The following TAC4 variants were observed in gnomAD, a reference collection of about 807,000 sequenced individuals.
The protein encoded by TAC4 is tachykinin-4.
In TAC4, 17 loss-of-function variants were observed where a neutral mutation model predicts 17.7. The observed-to-expected ratio is 0.96, with a 90% CI of 0.66 to 1.44. The LOEUF is 1.44. Among genes scored for constraint, TAC4 ranks in the 40% most tolerant of loss-of-function variants. The pLI is 0.00. For missense variants in TAC4, 118 were observed against 125.6 expected, an observed-to-expected ratio of 0.94 and a Z score of 0.29; for synonymous variants, 62 against 52.4, an observed-to-expected ratio of 1.18 and a Z score of -0.79.
chr17:49,845,301 G>T (rs2074529733), intron 1 of TAC4, among the ~76,000 whole-genome samples: 2 of 152,228 alleles, frequency 1.3e-5, no homozygotes, highest in African/African-American at 4.8e-5. Flanking sequence ...AAGGACTGTG[G>T]ATTGACATTC....
At chr17:49,847,676 C>T (rs1377240518) in intron 1 of TAC4, 1 of 488,116 alleles carries the variant, frequency 2.0e-6, no homozygotes, top group South Asian at 2.1e-5. Context: ...TTCTTACACA[C>T]ACACACACAC....
chr17:49,847,127 C>T lies in TAC4; in HGVS notation c.105+786G>A, dbSNP rs528767390. 101 of 1,289,874 alleles carry T rather than the reference C, an allele frequency of 7.8e-5. No homozygotes were observed. The African/African-American group carries it at 1.1e-3, about 14-fold the overall frequency. The allele number at this position is 1,289,874 out of a possible 1,614,324, so 79.9% of individuals were successfully genotyped here. ...CGAGGACCTCATCGTGGCCCAGGAC[C>T]GCAAGCCAAGGCCACCCCAGTGTCC... is the stretch of plus-strand genomic sequence containing the variant. On this transcript the variant is annotated intron_variant, in intron 1 of 4. Coordinates refer to ENST00000436235, the MANE Select transcript of TAC4 (RefSeq NM_001077506.2).
intron 1 of TAC4, chr17:49,846,274 C>A (rs1439521732): frequency 4.2e-6 from 5 of 1,197,112 alleles, no homozygotes; most frequent in Non-Finnish European, 4.2e-6. Context: ...ATTCCTGTTA[C>A]CTCATTTTTT....
Position 49,838,553 on chromosome 17 carries a change from AAG to A in TAC4, c.*87_*88del. On this transcript the variant is annotated 3_prime_UTR_variant, in exon 5 of 5. Transcript: ENST00000436235. ...AGCGATGAGGACAGGAGACACAGAG[AAG>A]AGAGTTGGCCTGCCGGCTTGTCAGC... The A allele has an allele frequency of 6.6e-7, 1 of 1,522,330 alleles. No individual in the cohort carries two copies. Among genetic ancestry groups the A allele is most frequent in the African/African-American group, 1.4e-5 (1 of 73,046 alleles). 94.3% of individuals were successfully genotyped at this position (1,522,330 alleles called of 1,614,324 possible).
intron 3 of TAC4, among the ~76,000 whole-genome samples, chr17:49,840,148 C>G (rs1366915051): frequency 6.6e-6 from 1 of 152,238 alleles, no homozygotes; most frequent in Non-Finnish European, 1.5e-5. Context: ...CTCTGCTCTC[C>G]CTTCACAAAC....
intron 1 of TAC4, chr17:49,846,022 C>G: frequency 3.7e-6 from 1 of 267,032 alleles, no homozygotes; most frequent in South Asian, 3.4e-5. Flanking sequence ...AGGCAGCCTT[C>G]AGGTGCAAGC....
At chr17:49,845,384 C>T (rs944547727) in intron 1 of TAC4, among the ~76,000 whole-genome samples, 39 of 152,352 alleles carry the variant, frequency 2.6e-4, no homozygotes, top group African/African-American at 8.9e-4. Context: ...AACTTCTGAA[C>T]TGGGGCTTGC....
rs1292668095 is a variant in TAC4 at position 49,842,259 on chromosome 17, G to A, written c.200-675C>T. The stretch of plus-strand genomic sequence containing the variant: ...AAGAAGTTTGAAATGGGCCGGGCGC[G>A]TTGGCTCACACCTGTAATCCCAGCA... On this transcript the variant is annotated intron_variant, in intron 2 of 4. Transcript: ENST00000436235. Among the ~76,000 whole-genome samples the A allele has an allele frequency of 2.6e-5, 4 of 152,010 alleles. No homozygotes were observed. The East Asian group carries it at 7.8e-4, about 30-fold the overall frequency.
At chr17:49,838,782 C>T in intron 4 of TAC4, 109 bp from the exon 5 acceptor site, 10 of 1,101,214 alleles carry the variant, frequency 9.1e-6, no homozygotes, top group Non-Finnish European at 1.3e-5. Flanking sequence ...TTCCTAACCC[C>T]TCTCTCCTTT....
chr17:49,847,698 C>CAG (rs2074555207), intron 1 of TAC4: 4 of 419,040 alleles, frequency 9.5e-6, no homozygotes, highest in African/African-American at 2.3e-5. Context: ...CACAGACACA[C>CAG]ACACACACAC....
chr17:49,842,349 T>A (rs1352787223), intron 2 of TAC4, among the ~76,000 whole-genome samples: 1 of 151,300 alleles, frequency 6.6e-6, no homozygotes, highest in Non-Finnish European at 1.5e-5. Flanking sequence ...GCCAACATAG[T>A]GAAACCCCAT....
At chr17:49,839,725 C>T in intron 4 of TAC4, 125 bp downstream of exon 4, 1 of 856,766 alleles carries the variant, frequency 1.2e-6, no homozygotes, top group Non-Finnish European at 1.8e-6. Context: ...CCCTGGGGGC[C>T]TCCCCATGAT....
chr17:49,847,670 T>TACACACAC (rs1230844971), intron 1 of TAC4: 2 of 426,128 alleles, frequency 4.7e-6, no homozygotes, highest in African/African-American at 2.3e-5. Context: ...AAGTATTTCT[T>TACACACAC]ACACACACAC....
chr17:49,844,863 A>G (rs1389015086), intron 1 of TAC4, among the ~76,000 whole-genome samples: 7 of 152,228 alleles, frequency 4.6e-5, no homozygotes, highest in African/African-American at 1.7e-4. Context: ...TCATAATCTC[A>G]TTTAATCTTC....
At chr17:49,847,688 C>CAG (rs1428356037) in intron 1 of TAC4, 121 of 433,694 alleles carry the variant, frequency 2.8e-4, no homozygotes, top group East Asian at 7.7e-4. Context: ...CACACACACA[C>CAG]ACAGACACAC....
At chr17:49,847,706 C>G (rs1388765958) in intron 1 of TAC4, 4 of 656,316 alleles carry the variant, frequency 6.1e-6, no homozygotes, top group South Asian at 1.8e-5. Flanking sequence ...CACACACACA[C>G]ACACACACAC....
intron 3 of TAC4, among the ~76,000 whole-genome samples, chr17:49,840,466 G>A (rs754494238): frequency 6.6e-6 from 1 of 152,146 alleles, no homozygotes; most frequent in Admixed American, 6.5e-5. Context: ...GGTCCTGAGA[G>A]CGCTGAGGGA....
intron 4 of TAC4, 31 bp from the exon 5 acceptor site, chr17:49,838,704 T>C: frequency 6.2e-7 from 1 of 1,607,536 alleles, no homozygotes; most frequent in Non-Finnish European, 8.5e-7. Context: ...GAACCATGGT[T>C]AGTCGGGGGT....
chr17:49,841,244 CTTTTTTTTT>C (rs745671170), intron 3 of TAC4, among the ~76,000 whole-genome samples: 15 of 110,368 alleles, frequency 1.4e-4, no homozygotes, highest in African/African-American at 3.0e-4. Context: ...TAGTGGTTGA[CTTTTTTTTT>C]TTTTTTTTTT....
Sources: gnomAD v4.1 joint callset for allele counts (sites outside exome capture counted in the v4.1 genomes callset) on GRCh38, gnomAD v4.1.1 for gene constraint, MANE v1.5 for transcripts, NCBI Gene and HGNC (gene_info 2026-07-23, HGNC 2026-07-21) for gene names.